The following TCP11L2 variants were observed in gnomAD, a reference collection of about 807,000 sequenced individuals.
TCP11L2 encodes the protein t-complex 11 like 2.
Under a neutral mutation model 50.7 loss-of-function variants are expected in TCP11L2, and 39 were observed. The ratio of observed to expected loss-of-function variants is 0.77; its 90% CI spans 0.60 to 1.01. The LOEUF (loss-of-function observed/expected upper bound fraction) is 1.01, where lower values mean the gene tolerates loss of function less well. Among genes scored for constraint, TCP11L2 ranks in the 50% least tolerant of loss-of-function variants. The probability of loss-of-function intolerance (pLI) is 0.00; values close to 1 mark genes in which losing one functional copy is unlikely to be tolerated. For missense variants in TCP11L2, 612 were observed against 614.7 expected (o/e 1.00, Z 0.05); for synonymous variants, 192 against 219.3 (o/e 0.88, Z 1.10).
chr12:106,321,205 C>T (rs1031370703), intron 4 of TCP11L2, among the ~76,000 whole-genome samples: 2 of 152,310 alleles, frequency 1.3e-5, no homozygotes, highest in African/African-American at 4.8e-5. Context: ...TAAGGACTTA[C>T]TGTGCTTTCA....
At chr12:106,346,256 CAGATA>C in intron 9 of TCP11L2, 25 bp from the exon 10 acceptor site, 2 of 1,572,470 alleles carry the variant, frequency 1.3e-6, no homozygotes. Flanking sequence ...TAATAATGGA[CAGATA>C]AAAGTATCTT....
intron 5 of TCP11L2, 125 bp downstream of exon 5, chr12:106,321,831 C>G (rs2035350188): frequency 1.4e-6 from 1 of 738,340 alleles, no homozygotes; most frequent in Admixed American, 2.5e-5. Flanking sequence ...TAGAAGAAAA[C>G]CATATAAGCA....
rs1238331757 is a variant in TCP11L2 at position 106,336,136 on chromosome 12, T to G, written c.1065T>G (p.Ala355=). The G allele has an allele frequency of 5.0e-6, 8 of 1,613,936 alleles. No individual in the cohort carries two copies. Among genetic ancestry groups the G allele is most frequent in the Non-Finnish European group, 5.9e-6 (7 of 1,180,002 alleles). ...TAATTACCAACAACATGGTGGGTGC[T>G]ATTACAGGAGGCCTGCCTGAGCTTG... ...LSLITNNMVG[A]ITGGLPELAS... The change falls in exon 8 of 10, where the codon GCT becomes GCG. Residue 355 remains alanine, a synonymous_variant. Coordinates refer to ENST00000299045, the MANE Select transcript of TCP11L2 (RefSeq NM_152772.3).
intron 6 of TCP11L2, chr12:106,325,052 A>C (rs186054288): frequency 6.6e-6 from 1 of 152,354 alleles, no homozygotes; most frequent in East Asian, 1.9e-4. Context: ...ACTAGTTAAC[A>C]CTTAGAAAAT....
intron 8 of TCP11L2, among the ~76,000 whole-genome samples, chr12:106,339,825 A>C (rs567227912): frequency 6.6e-6 from 1 of 152,252 alleles, no homozygotes; most frequent in African/African-American, 2.4e-5. Flanking sequence ...CAGAATTCCA[A>C]CGTCAGGTCC....
At chr12:106,312,562 T>C (rs1245326094) in intron 2 of TCP11L2, 10 of 367,648 alleles carry the variant, frequency 2.7e-5, no homozygotes. Context: ...TCCTCCTCTT[T>C]CCCTGATCCT....
intron 6 of TCP11L2, among the ~76,000 whole-genome samples, chr12:106,331,689 GCCC>G (rs2035750680): frequency 6.6e-6 from 1 of 152,164 alleles, no homozygotes; most frequent in African/African-American, 2.4e-5. Context: ...TAGGTAACCT[GCCC>G]AAGACATACA....
At chr12:106,302,385 A>C (rs1457396827), upstream of TCP11L2, among the ~76,000 whole-genome samples, 1 of 58,414 alleles carries the variant, frequency 1.7e-5, no homozygotes, top group Admixed American at 1.8e-4. Context: ...GCCCCCGCTC[A>C]GCCCCCGCTC....
Position 106,346,291 on chromosome 12 carries a change from C to T in TCP11L2, c.1321C>T (p.Arg441Ter), listed in dbSNP as rs140375899. ...DNPIWSLIDK[R>*]IKLYMRRLLC... ...TATCTTTTTTTCCCCTTCAGATAAA[C>T]GAATTAAGCTTTACATGAGAAGGCT... Residue 441 changes from arginine to a stop codon, truncating the protein, a stop_gained, in exon 10 of 10, where the codon CGA (arginine) becomes TGA (stop). Transcript: ENST00000299045. LOFTEE classifies it high-confidence loss of function. 21 of 1,595,394 alleles carry T rather than the reference C, an allele frequency of 1.3e-5. No homozygotes were observed. Among genetic ancestry groups the T allele is most frequent in the African/African-American group, 4.1e-5 (3 of 73,964 alleles).
chr12:106,312,839 A>G (rs764006135), intron 2 of TCP11L2, among the ~76,000 whole-genome samples: 2 of 152,064 alleles, frequency 1.3e-5, no homozygotes, highest in African/African-American at 2.4e-5. Flanking sequence ...TCAAGATTGC[A>G]CCACTGCACT....
chr12:106,339,348 G>GT (rs1397174127), intron 8 of TCP11L2, among the ~76,000 whole-genome samples: 1 of 152,130 alleles, frequency 6.6e-6, no homozygotes, highest in Non-Finnish European at 1.5e-5. Context: ...CTTGTCGAGT[G>GT]TTTAAGTTCC....
intron 1 of TCP11L2, chr12:106,307,416 T>C (rs975234545): frequency 1.3e-5 from 2 of 152,244 alleles, no homozygotes; most frequent in African/African-American, 4.8e-5. Flanking sequence ...GATTTACTTG[T>C]GAGTTGCAGT....
intron 6 of TCP11L2, among the ~76,000 whole-genome samples, chr12:106,326,779 G>T (rs2035562335): frequency 6.6e-6 from 1 of 152,118 alleles, no homozygotes; most frequent in African/African-American, 2.4e-5. Context: ...CAACTGTGGG[G>T]GATATTGCAG....
intron 9 of TCP11L2, among the ~76,000 whole-genome samples, chr12:106,343,331 A>G (rs368374835): frequency 8.5e-5 from 13 of 152,312 alleles, no homozygotes; most frequent in African/African-American, 3.1e-4. Context: ...AGGTCAGGCA[A>G]CTAGTCTAAA....
At chr12:106,340,163 A>G (rs1253448878) in intron 8 of TCP11L2, among the ~76,000 whole-genome samples, 1 of 152,168 alleles carries the variant, frequency 6.6e-6, no homozygotes, top group Non-Finnish European at 1.5e-5. Context: ...ATTTTCAGTC[A>G]TCTTTCCCTA....
upstream of TCP11L2, among the ~76,000 whole-genome samples, chr12:106,302,302 C>A (rs1042659198): frequency 8.6e-6 from 1 of 116,798 alleles, no homozygotes; most frequent in African/African-American, 3.4e-5. Context: ...CTCCCCAGAG[C>A]CCCGCTCAGC....
At chr12:106,337,785 G>A (rs1486713727) in intron 8 of TCP11L2, among the ~76,000 whole-genome samples, 1 of 152,106 alleles carries the variant, frequency 6.6e-6, no homozygotes, top group African/African-American at 2.4e-5. Flanking sequence ...AGATGATTCA[G>A]GTACAGATGT....
rs1565862066 is a variant in TCP11L2, at chr12:106,340,943, TA to T, written c.1261del (p.Ile421Ter). The part of the protein sequence containing the change: ...TLNAEIQANL[I>X]GQFSSIEEED... The stretch of plus-strand genomic sequence containing the variant: ...TAAATGCTGAGATTCAAGCTAATCT[TA>T]TAGGTCAATTTTCAAGCATTGAAGA... On this transcript the variant is annotated frameshift_variant, in exon 9 of 10. Coordinates refer to ENST00000299045, the MANE Select transcript of TCP11L2 (RefSeq NM_152772.3). LOFTEE classifies it high-confidence loss of function. 2 of 1,613,656 alleles carry T rather than the reference TA, an allele frequency of 1.2e-6. No homozygotes were observed. Among genetic ancestry groups the T allele is most frequent in the East Asian group, 4.5e-5 (2 of 44,830 alleles).
chr12:106,336,262 A>C (rs561547001), intron 8 of TCP11L2, 49 bp downstream of exon 8: 2 of 1,521,324 alleles, frequency 1.3e-6, no homozygotes, highest in South Asian at 2.5e-5. Context: ...AAGGCTCTGC[A>C]TGTGTCTCAG....
Sources: allele counts gnomAD v4.1 joint callset (sites outside exome capture counted in the v4.1 genomes callset), GRCh38; gene constraint gnomAD v4.1.1; transcripts MANE v1.5; gene names NCBI Gene and HGNC (gene_info 2026-07-23, HGNC 2026-07-21).